AGAP1: variants seen among roughly 807,000 people sequenced by gnomAD.
AGAP1 encodes the protein ArfGAP with GTPase domain, ankyrin repeat and PH domain 1.
A neutral mutation model predicts 105.3 loss-of-function variants in AGAP1; 29 were observed. The ratio of observed to expected loss-of-function variants is 0.28; its 90% CI spans 0.21 to 0.38. The LOEUF (loss-of-function observed/expected upper bound fraction) is 0.38. Ranked by LOEUF, AGAP1 falls within the 10% of genes least tolerant of loss-of-function variation. The pLI is 1.00. For missense variants in AGAP1, 998 were observed against 1,165.1 expected, an observed-to-expected ratio of 0.86 and a Z score of 2.09; for synonymous variants, 509 against 485.9, an observed-to-expected ratio of 1.05 and a Z score of -0.63.
At chr2:235,605,115 C>A (rs1184466643) in intron 1 of AGAP1, among the ~76,000 whole-genome samples, 1 of 151,928 alleles carries the variant, frequency 6.6e-6, no homozygotes, top group Non-Finnish European at 1.5e-5. Flanking sequence ...TGACCTCAAG[C>A]GATCCGCCTG....
At chr2:235,562,642 C>T (rs1397524752) in intron 1 of AGAP1, among the ~76,000 whole-genome samples, 1 of 152,188 alleles carries the variant, frequency 6.6e-6, no homozygotes, top group Admixed American at 6.5e-5. Context: ...TGTGAAAACC[C>T]TCAGTCCTCT....
At position 235,906,648 on chromosome 2, in the gene AGAP1, A is replaced by G. The variant is rs575581212; in HGVS notation, c.1156-2090A>G. Among the ~76,000 whole-genome samples, 5 of 150,800 alleles carry G rather than the reference A, an allele frequency of 3.3e-5. No individual in the cohort carries two copies. The East Asian group carries it at 9.7e-4, about 29-fold the overall frequency. ...GCCTGTAAGTCATGTTGGTTGCGGG[A>G]AGGTCTACATTGTCACACCCCAGGC... On this transcript the variant is annotated intron_variant, in intron 10 of 17. Transcript: ENST00000304032. This position sits in a 1 kb window ranked among gnomAD's most constrained non-coding sequence, Gnocchi z 5.3.
rs1404748956 is a variant in AGAP1 at position 235,609,812 on chromosome 2, T to C, written c.164-99367T>C. 6.6e-6 allele frequency among the ~76,000 whole-genome samples: 1 copy of C among 152,066 alleles called. No individual in the cohort carries two copies. Among genetic ancestry groups the C allele is most frequent in the African/African-American group, 2.4e-5 (1 of 41,418 alleles). On this transcript the variant is annotated intron_variant, in intron 1 of 17. Coordinates refer to ENST00000304032, the MANE Select transcript of AGAP1 (RefSeq NM_001037131.3). This position sits in a 1 kb window ranked among gnomAD's most constrained non-coding sequence, Gnocchi z 5.1. The stretch of plus-strand genomic sequence containing the variant: ...AAAGTGTAGTGGGAGGCTGTGGGCA[T>C]ATTTGGCGCTTGGCAGGATTGAAGG...
chr2:235,776,042 C>T (rs1311734493), intron 6 of AGAP1, among the ~76,000 whole-genome samples: 3 of 152,128 alleles, frequency 2.0e-5, no homozygotes, highest in African/African-American at 4.8e-5. Flanking sequence ...GGACATTGTA[C>T]GGCTTAGGAG....
In AGAP1 at chr2:236,003,204, C is replaced by G. The variant is rs368426565; in HGVS notation, c.1646-33357C>G. Among the ~76,000 whole-genome samples, 25 of 152,204 alleles carry G rather than the reference C, an allele frequency of 1.6e-4. 1 individual carries two copies. In the South Asian group the frequency reaches 3.9e-3, roughly 24 times the overall value. ...GGACTACAGGCACATGCCGCCACGC[C>G]CAGCTAATTTTTGTATTTTTAGTAG... On this transcript the variant is annotated intron_variant, in intron 13 of 17. Coordinates refer to ENST00000304032, the MANE Select transcript of AGAP1 (RefSeq NM_001037131.3). The surrounding 1 kb of genome is among the most constrained non-coding windows in gnomAD (Gnocchi z 4.2).
intron 1 of AGAP1, among the ~76,000 whole-genome samples, chr2:235,703,191 G>C (rs1482566011): frequency 6.6e-6 from 1 of 152,016 alleles, no homozygotes; most frequent in Non-Finnish European, 1.5e-5. Context: ...GCCTCACAAA[G>C]TGCTGGGATT....
rs774030266 is a variant in AGAP1 at position 236,049,184 on chromosome 2, C to T, written c.2017C>T (p.Leu673Phe). Reference sequence around the variant, plus strand: ...GGACCTGGATGACTGGCCAGTCGAGCTCATCAAGGTGATGTCATCCATCGG... The same window carrying T: ...GGACCTGGATGACTGGCCAGTCGAGTTCATCAAGGTGATGTCATCCATCGG... ...SLDLDDWPVELIKVMSSIGNE... is the reference protein window; with the variant it reads ...SLDLDDWPVEFIKVMSSIGNE... The change falls in exon 16 of 18, where the codon CTC becomes TTC. Residue 673 changes from leucine (L) to phenylalanine (F), a missense_variant. Transcript: ENST00000304032. The T allele has an allele frequency of 4.0e-5, 64 of 1,614,070 alleles. 1 individual carries two copies. In the South Asian group the frequency reaches 5.8e-4, roughly 15 times the overall value.
At chr2:235,980,154 C>G (rs1044202307) in intron 13 of AGAP1, among the ~76,000 whole-genome samples, 1 of 152,190 alleles carries the variant, frequency 6.6e-6, no homozygotes. Flanking sequence ...GAATATTCCA[C>G]GCGTTTTTGA....
intron 1 of AGAP1, among the ~76,000 whole-genome samples, chr2:235,666,361 G>T (rs540620178): frequency 4.3e-4 from 65 of 152,238 alleles, no homozygotes; most frequent in Non-Finnish European, 4.7e-4. Flanking sequence ...AAAAAGGCTG[G>T]TCTGGCTTTG....
intron 1 of AGAP1, chr2:235,670,234 C>T (rs1406578328): frequency 5.3e-6 from 3 of 568,258 alleles, no homozygotes; most frequent in Non-Finnish European, 9.7e-6. Context: ...CCGCGCCGGG[C>T]TCCGGCGGCC....
intron 1 of AGAP1, among the ~76,000 whole-genome samples, chr2:235,630,849 A>G (rs372558858): frequency 5.3e-5 from 8 of 152,154 alleles, no homozygotes; most frequent in Non-Finnish European, 1.5e-5. Context: ...TCTCCTCCTA[A>G]TGATTTGAAC....
intron 1 of AGAP1, among the ~76,000 whole-genome samples, chr2:235,703,760 C>G (rs182897042): frequency 6.6e-6 from 1 of 152,096 alleles, no homozygotes; most frequent in Non-Finnish European, 1.5e-5. Flanking sequence ...CCATGCCCGG[C>G]TAATTTTTGT....
chr2:236,065,666 G>T (rs555435007), intron 16 of AGAP1, among the ~76,000 whole-genome samples: 1 of 152,286 alleles, frequency 6.6e-6, no homozygotes, highest in Admixed American at 6.5e-5. Flanking sequence ...AAGCGAGTGG[G>T]GTCCCATTGT....
At chr2:236,054,868 G>C (rs2058008910) in intron 16 of AGAP1, among the ~76,000 whole-genome samples, 1 of 152,236 alleles carries the variant, frequency 6.6e-6, no homozygotes, top group South Asian at 2.1e-4. Flanking sequence ...CCACTGCCGG[G>C]CCCGGGCCCC....
chr2:235,797,891 G>C lies in AGAP1; in HGVS notation c.801+5G>C. The C allele has an allele frequency of 6.2e-7, 1 of 1,614,042 alleles. No individual in the cohort carries two copies. The highest frequency in any genetic ancestry group is 1.3e-5 in the African/African-American group (1 of 75,040). ...TCTGCCGTGCACATCAGCCAGGTAC[G>C]TTAGGTGACATGAGAAGTCAGACTC... is the stretch of plus-strand genomic sequence containing the variant. On this transcript the variant is annotated splice_donor_5th_base_variant and intron_variant, in intron 7 of 17. Transcript: ENST00000304032.
At position 236,120,540 on chromosome 2, in the gene AGAP1, G is replaced by A; in HGVS notation, c.2370+93G>A. 1 of 1,563,242 alleles carries A rather than the reference G, an allele frequency of 6.4e-7. No individual in the cohort carries two copies. The highest frequency in any genetic ancestry group is 8.6e-7 in the Non-Finnish European group (1 of 1,157,850). On this transcript the variant is annotated intron_variant, in intron 17 of 17. Transcript: ENST00000304032. This position sits in a 1 kb window ranked among gnomAD's most constrained non-coding sequence, Gnocchi z 6.0. ...GTGGGCATCTTTCTGGCAGAAGGCT[G>A]TTGTTCTCGATCTGCAAGTGGAAAC...
chr2:235,854,657 G>C (rs1189127369), intron 9 of AGAP1, among the ~76,000 whole-genome samples: 1 of 152,190 alleles, frequency 6.6e-6, no homozygotes, highest in Non-Finnish European at 1.5e-5. Flanking sequence ...GTGGACTTGG[G>C]GATGTTTCTT....
At chr2:235,634,800 A>G (rs1946939068) in intron 1 of AGAP1, among the ~76,000 whole-genome samples, 1 of 152,294 alleles carries the variant, frequency 6.6e-6, no homozygotes, top group South Asian at 2.1e-4. Context: ...TCAAAATGTC[A>G]AAATGTTTAA....
At chr2:235,844,992 A>G (rs910943377) in intron 9 of AGAP1, among the ~76,000 whole-genome samples, 4 of 152,160 alleles carry the variant, frequency 2.6e-5, no homozygotes, top group Non-Finnish European at 5.9e-5. Flanking sequence ...ATGAGCAGCA[A>G]TTATAGTTTG....
Sources: allele counts gnomAD v4.1 joint callset (sites outside exome capture counted in the v4.1 genomes callset), GRCh38; gene constraint gnomAD v4.1.1; non-coding constraint Gnocchi (gnomAD v3.1); transcripts MANE v1.5; gene names NCBI Gene and HGNC (gene_info 2026-07-23, HGNC 2026-07-21).